ASB13: variants seen among roughly 807,000 people sequenced by gnomAD.
The protein encoded by ASB13 is ankyrin repeat and SOCS box containing 13.
In ASB13, 33 loss-of-function variants were observed where a neutral mutation model predicts 28.8. The ratio of observed to expected loss-of-function variants is 1.15; its 90% confidence interval spans 0.87 to 1.53. ASB13 has a LOEUF of 1.53. Among genes scored for constraint, ASB13 ranks in the 40% most tolerant of loss-of-function variants. ASB13 has a pLI of 0.00. For missense variants in ASB13, 414 were observed against 390.1 expected, an observed-to-expected ratio of 1.06 and a Z score of -0.52; for synonymous variants, 182 against 172.9, an observed-to-expected ratio of 1.05 and a Z score of -0.41.
Position 5,652,838 on chromosome 10 carries a change from G to A in ASB13, c.231+25C>T. On this transcript the variant is annotated intron_variant, in intron 2 of 5. Coordinates refer to ENST00000357700, the MANE Select transcript of ASB13 (RefSeq NM_024701.4). The surrounding 1 kb of genome is among the most constrained non-coding windows in gnomAD (Gnocchi z 5.0). ...ATTCTGGCAGCTGCAGCCAGTCTGGGGGTCTGCCCTGAAGGGCCACTCACC... is the reference window on the plus strand; with the variant it reads ...ATTCTGGCAGCTGCAGCCAGTCTGGAGGTCTGCCCTGAAGGGCCACTCACC... The A allele has an allele frequency of 6.7e-7, 1 of 1,498,988 alleles. No homozygotes were observed. Among genetic ancestry groups the A allele is most frequent in the Non-Finnish European group, 8.9e-7 (1 of 1,121,430 alleles). The allele number at this position is 1,498,988 out of a possible 1,614,324, so 92.9% of individuals were successfully genotyped here.
chr10:5,665,647 C>A (rs757856144), intron 1 of ASB13, among the ~76,000 whole-genome samples: 10 of 152,172 alleles, frequency 6.6e-5, no homozygotes, highest in Non-Finnish European at 1.3e-4. Context: ...TTATTAGATA[C>A]CTTTGATCAT....
chr10:5,648,837 C>T (rs1382531890), intron 4 of ASB13, 133 bp downstream of exon 4: 2 of 1,504,530 alleles, frequency 1.3e-6, no homozygotes, highest in Non-Finnish European at 1.8e-6. Context: ...CAAACATCCA[C>T]TCCGGTAAAC....
chr10:5,666,486 A>G, intron 1 of ASB13, 23 bp downstream of exon 1: 2 of 1,292,956 alleles, frequency 1.5e-6, no homozygotes, highest in Non-Finnish European at 9.8e-7. Context: ...CCTCGCTCTG[A>G]CCTCCGCGGC....
intron 1 of ASB13, among the ~76,000 whole-genome samples, chr10:5,654,908 C>A (rs1835047808): frequency 6.6e-6 from 1 of 152,044 alleles, no homozygotes; most frequent in Non-Finnish European, 1.5e-5. Flanking sequence ...ACCAGCCTGG[C>A]CAACATGGTG....
intron 5 of ASB13, 84 bp from the exon 6 acceptor site, chr10:5,640,914 T>C (rs1834800926): frequency 1.1e-5 from 17 of 1,521,466 alleles, no homozygotes; most frequent in Non-Finnish European, 1.5e-5. Context: ...TCAGAGGGAA[T>C]CGGAAACGCC....
In ASB13 at chr10:5,652,053, C is replaced by CAA. The variant is rs1231575213; in HGVS notation, c.232-691_232-690insTT. On this transcript the variant is annotated intron_variant, in intron 2 of 5. Transcript: ENST00000357700. This position sits in a 1 kb window ranked among gnomAD's most constrained non-coding sequence, Gnocchi z 5.0. ...ACACACACACACACACACACACACACACACACACAAAACTCTAACCTCAAT... is the reference window on the plus strand; with the variant it reads ...ACACACACACACACACACACACACACAAACACACACAAAACTCTAACCTCAAT... Among the ~76,000 whole-genome samples, 1 of 143,860 alleles carries CAA rather than the reference C, an allele frequency of 7.0e-6. No individual in the cohort carries two copies. Among genetic ancestry groups the CAA allele is most frequent in the African/African-American group, 2.6e-5 (1 of 38,800 alleles). The allele number at this position is 143,860 out of a possible 152,430, so 94.4% of individuals were successfully genotyped here.
In ASB13 at chr10:5,658,234, C is replaced by T. The variant is rs997150300; in HGVS notation, c.44-5184G>A. Among the ~76,000 whole-genome samples the T allele has an allele frequency of 9.2e-5, 14 of 152,152 alleles. No homozygotes were observed. The highest frequency in any genetic ancestry group is 3.4e-3 in the Middle Eastern group (1 of 294). On this transcript the variant is annotated intron_variant, in intron 1 of 5. Coordinates refer to ENST00000357700, the MANE Select transcript of ASB13 (RefSeq NM_024701.4). The surrounding 1 kb of genome is among the most constrained non-coding windows in gnomAD (Gnocchi z 4.2). ...CTCTAATCCCAGCACTTTGGGAGGC[C>T]GAGGCAGGCAATATGGTGAAACCCC...
rs1835224926 is a variant in ASB13, at chr10:5,664,514, A to G, written c.43+1995T>C. On this transcript the variant is annotated intron_variant, in intron 1 of 5. Coordinates refer to ENST00000357700, the MANE Select transcript of ASB13 (RefSeq NM_024701.4). The surrounding 1 kb of genome is among the most constrained non-coding windows in gnomAD (Gnocchi z 4.2). Reference sequence around the variant, plus strand: ...CAAGTGGCTCAGCTGCAATATTCACAGTCACAATAATGTCAACACTGAAAT... The same window carrying G: ...CAAGTGGCTCAGCTGCAATATTCACGGTCACAATAATGTCAACACTGAAAT... 1.3e-5 allele frequency among the ~76,000 whole-genome samples: 1 copy of G among 77,562 alleles called. No homozygotes were observed. The highest frequency in any genetic ancestry group is 4.1e-5 in the African/African-American group (1 of 24,218). The allele number at this position is 77,562 out of a possible 152,430, so 50.9% of individuals were successfully genotyped here.
At chr10:5,647,670 G>A (rs1834906319) in intron 4 of ASB13, among the ~76,000 whole-genome samples, 1 of 152,146 alleles carries the variant, frequency 6.6e-6, no homozygotes, top group Non-Finnish European at 1.5e-5. Flanking sequence ...GTACCTACTA[G>A]GACACACCAG....
Position 5,653,015 on chromosome 10 carries a change from C to T in ASB13, c.79G>A (p.Ala27Thr). The change falls in exon 2 of 6, where the codon GCC becomes ACC. Residue 27 changes from alanine to threonine, a missense_variant. Coordinates refer to ENST00000357700, the MANE Select transcript of ASB13 (RefSeq NM_024701.4). ...WVERTPVHEA[A>T]QRGESLQLQQ... is the part of the protein sequence containing the mutation. ...AGCTGCAGGCTCTCACCCCGCTGGGCTGCCTCGTGCACAGGGGTCCGCTCC... is the reference window on the plus strand; with the variant it reads ...AGCTGCAGGCTCTCACCCCGCTGGGTTGCCTCGTGCACAGGGGTCCGCTCC... 6.4e-7 allele frequency: 1 copy of T among 1,550,952 alleles called. No homozygotes were observed. Among genetic ancestry groups the T allele is most frequent in the Non-Finnish European group, 8.7e-7 (1 of 1,146,876 alleles).
In ASB13 at chr10:5,645,623, G is replaced by A. The variant is rs1332937916; in HGVS notation, c.517+3347C>T. ...CGCACATGAAAGCACCTGCACTCAT[G>A]TGGGCCCCGACTGGTTCAATCCCTC... On this transcript the variant is annotated intron_variant, in intron 4 of 5. Coordinates refer to ENST00000357700, the MANE Select transcript of ASB13 (RefSeq NM_024701.4). This position sits in a 1 kb window ranked among gnomAD's most constrained non-coding sequence, Gnocchi z 5.4. Among the ~76,000 whole-genome samples the A allele has an allele frequency of 1.3e-5, 2 of 152,182 alleles. No individual in the cohort carries two copies. The highest frequency in any genetic ancestry group is 2.9e-5 in the Non-Finnish European group (2 of 68,030).
Position 5,652,753 on chromosome 10 carries a change from G to A in ASB13, c.231+110C>T. 1 of 1,161,118 alleles carries A rather than the reference G, an allele frequency of 8.6e-7. No homozygotes were observed. The highest frequency in any genetic ancestry group is 2.7e-5 in the East Asian group (1 of 37,368). 71.9% of individuals were successfully genotyped at this position (1,161,118 alleles called of 1,614,324 possible). The stretch of plus-strand genomic sequence containing the variant: ...GGGCTTCCTGGTACCTGTGTGCAGT[G>A]GACACAGTGCAGCCCCCATCCTCCC... On this transcript the variant is annotated intron_variant, in intron 2 of 5. Transcript: ENST00000357700. This position sits in a 1 kb window ranked among gnomAD's most constrained non-coding sequence, Gnocchi z 5.0.
Position 5,653,035 on chromosome 10 carries a change from C to T in ASB13, c.59G>A (p.Arg20Gln), listed in dbSNP as rs763255307. Residue 20 changes from arginine (R) to glutamine (Q), a missense_variant, in exon 2 of 6, where the codon CGG (arginine) becomes CAG (glutamine). Coordinates refer to ENST00000357700, the MANE Select transcript of ASB13 (RefSeq NM_024701.4). ...FLGDVGFWVE[R>Q]TPVHEAAQRG... ...CTGGGCTGCCTCGTGCACAGGGGTC[C>T]GCTCCACCCAGAAACCTGGAAAGGA... 2.5e-5 allele frequency: 38 copies of T among 1,545,670 alleles called. No individual in the cohort carries two copies. The highest frequency in any genetic ancestry group is 2.3e-4 in the South Asian group (19 of 83,676).
In ASB13 at chr10:5,651,388, C is replaced by CA. The variant is rs1834982430; in HGVS notation, c.232-26dup. The CA allele has an allele frequency of 6.4e-7, 1 of 1,568,868 alleles. No individual in the cohort carries two copies. Among genetic ancestry groups the CA allele is most frequent in the Non-Finnish European group, 8.7e-7 (1 of 1,153,266 alleles). On this transcript the variant is annotated intron_variant, in intron 2 of 5. Coordinates refer to ENST00000357700, the MANE Select transcript of ASB13 (RefSeq NM_024701.4). This position sits in a 1 kb window ranked among gnomAD's most constrained non-coding sequence, Gnocchi z 5.1. ...CCTCACGGGAGGAAGAAACAAGTGTCAAAGGGCAGAGAAATGCCACGCAAC... is the reference window on the plus strand; with the variant it reads ...CCTCACGGGAGGAAGAAACAAGTGTCAAAAGGGCAGAGAAATGCCACGCAAC...
chr10:5,640,886 C>A, intron 5 of ASB13, 56 bp from the exon 6 acceptor site: 1 of 1,600,426 alleles, frequency 6.2e-7, no homozygotes, highest in East Asian at 2.2e-5. Context: ...AGCACAACAC[C>A]TGCAATGGAA....
chr10:5,663,682 G>A lies in ASB13; in HGVS notation c.43+2827C>T, dbSNP rs1835209448. On this transcript the variant is annotated intron_variant, in intron 1 of 5. Coordinates refer to ENST00000357700, the MANE Select transcript of ASB13 (RefSeq NM_024701.4). The surrounding 1 kb of genome is among the most constrained non-coding windows in gnomAD (Gnocchi z 4.9). ...AGTCGAGGAGGAGGATAGAGGTACTGTTTTGCCCATAAACATGCTTCCTAA... is the reference window on the plus strand; with the variant it reads ...AGTCGAGGAGGAGGATAGAGGTACTATTTTGCCCATAAACATGCTTCCTAA... Among the ~76,000 whole-genome samples the A allele has an allele frequency of 6.6e-6, 1 of 152,202 alleles. No individual in the cohort carries two copies. Among genetic ancestry groups the A allele is most frequent in the African/African-American group, 2.4e-5 (1 of 41,448 alleles).
chr10:5,651,531 G>T lies in ASB13; in HGVS notation c.232-168C>A. The T allele has an allele frequency of 1.4e-6, 1 of 690,578 alleles. No homozygotes were observed. Among genetic ancestry groups the T allele is most frequent in the Non-Finnish European group, 2.3e-6 (1 of 427,754 alleles). The allele number at this position is 690,578 out of a possible 1,614,324, so 42.8% of individuals were successfully genotyped here. A position where few individuals can be genotyped will look rare whatever the true frequency, so the allele number is the denominator to read the frequency against. On this transcript the variant is annotated intron_variant, in intron 2 of 5. Coordinates refer to ENST00000357700, the MANE Select transcript of ASB13 (RefSeq NM_024701.4). This position sits in a 1 kb window ranked among gnomAD's most constrained non-coding sequence, Gnocchi z 5.1. ...GAAAGAGATAGCACGTGGCTGCGGA[G>T]CACCGACGGCCTCCTGAGTAGAGAA...
At position 5,641,513 on chromosome 10, in the gene ASB13, GAGGCAC is replaced by G. The variant is rs1482291121; in HGVS notation, c.709+251_709+256del. Among the ~76,000 whole-genome samples the G allele has an allele frequency of 6.6e-6, 1 of 152,326 alleles. No homozygotes were observed. Among genetic ancestry groups the G allele is most frequent in the East Asian group, 1.9e-4 (1 of 5,184 alleles). On this transcript the variant is annotated intron_variant, in intron 5 of 5. Transcript: ENST00000357700. This position sits in a 1 kb window ranked among gnomAD's most constrained non-coding sequence, Gnocchi z 8.4. ...CTCATCTGTCAAATGTCCAGCACAG[GAGGCAC>G]AGGTCTGGTGCCCGGGCAGGTGTCG...
rs199551751 is a variant in ASB13 at position 5,644,819 on chromosome 10, G to GA, written c.518-2859dup. 3.3e-3 allele frequency among the ~76,000 whole-genome samples: 493 copies of GA among 150,888 alleles called. 1 individual carries two copies. The highest frequency in any genetic ancestry group is 0.011 in the African/African-American group (457 of 41,152). On this transcript the variant is annotated intron_variant, in intron 4 of 5. Transcript: ENST00000357700. The surrounding 1 kb of genome is among the most constrained non-coding windows in gnomAD (Gnocchi z 5.1). ...GGTGACAGAACGAGACTCCATCTCAGAAAAAAAAGAAAGAAAGAAGGGAAC... is the reference window on the plus strand; with the variant it reads ...GGTGACAGAACGAGACTCCATCTCAGAAAAAAAAAGAAAGAAAGAAGGGAAC...
Sources: gnomAD v4.1 joint callset for allele counts (sites outside exome capture counted in the v4.1 genomes callset) on GRCh38, gnomAD v4.1.1 for gene constraint, Gnocchi (gnomAD v3.1) non-coding constraint, MANE v1.5 for transcripts, NCBI Gene and HGNC (gene_info 2026-07-23, HGNC 2026-07-21) for gene names.